Variants in ANKS1B observed in about 807,000 individuals in gnomAD.
ANKS1B encodes ankyrin repeat and sterile alpha motif domain containing 1B, also known as ankyrin repeat and sterile alpha motif domain-containing protein 1B.
A neutral mutation model predicts 148.3 loss-of-function variants in ANKS1B; 36 were observed. The ratio of observed to expected loss-of-function variants is 0.24; its 90% CI spans 0.19 to 0.32. The LOEUF (loss-of-function observed/expected upper bound fraction) is 0.32. Among genes scored for constraint, ANKS1B ranks in the 10% least tolerant of loss-of-function variants. The pLI is 1.00. For synonymous variants in ANKS1B, 542 were observed against 560.8 expected, an observed-to-expected ratio of 0.97 and a Z score of 0.47; for missense variants, 1,157 against 1,542.6, an observed-to-expected ratio of 0.75 and a Z score of 4.19.
At chr12:99,059,954 A>G (rs1292065053) in intron 16 of ANKS1B, among the ~76,000 whole-genome samples, 3 of 152,042 alleles carry the variant, frequency 2.0e-5, no homozygotes, top group African/African-American at 7.2e-5. Context: ...AGACAGGGCT[A>G]GGAAGTGACA....
chr12:98,829,148 T>C lies in ANKS1B; in HGVS notation c.3066+26A>G. On this transcript the variant is annotated intron_variant, in intron 19 of 26. Coordinates refer to ENST00000683438, the MANE Select transcript of ANKS1B (RefSeq NM_001352186.2). The surrounding 1 kb of genome is among the most constrained non-coding windows in gnomAD (Gnocchi z 5.2). ...GGCATTACCTGATATGGTTGAAAAA[T>C]ATCACAAAGGCTTATAACACCTTAC... 6.2e-7 allele frequency: 1 copy of C among 1,613,484 alleles called. No individual in the cohort carries two copies. The highest frequency in any genetic ancestry group is 8.5e-7 in the Non-Finnish European group (1 of 1,179,628).
intron 9 of ANKS1B, among the ~76,000 whole-genome samples, chr12:99,570,359 G>T (rs542333051): frequency 6.6e-6 from 1 of 151,972 alleles, no homozygotes; most frequent in Admixed American, 6.6e-5. Flanking sequence ...AAAAATGAAG[G>T]CGGATAGGCC....
chr12:99,089,076 C>T (rs147999968), intron 15 of ANKS1B, among the ~76,000 whole-genome samples: 124 of 152,022 alleles, frequency 8.2e-4, no homozygotes, highest in African/African-American at 2.8e-3. Context: ...CCATCTGCCT[C>T]GGCCTCCCAA....
intron 9 of ANKS1B, among the ~76,000 whole-genome samples, chr12:99,561,306 C>T (rs2097333914): frequency 6.6e-6 from 1 of 152,194 alleles, no homozygotes; most frequent in South Asian, 2.1e-4. Context: ...CCTGCCACTA[C>T]TTTATCAACT....
chr12:98,937,467 G>C (rs1341003995), intron 17 of ANKS1B, among the ~76,000 whole-genome samples: 2 of 151,978 alleles, frequency 1.3e-5, no homozygotes, highest in East Asian at 3.9e-4. Context: ...GAACATACTA[G>C]TATGTTTTGT....
At chr12:99,707,199 G>A (rs936566684) in intron 8 of ANKS1B, among the ~76,000 whole-genome samples, 23 of 152,066 alleles carry the variant, frequency 1.5e-4, no homozygotes, top group Admixed American at 5.2e-4. Flanking sequence ...TCAGAGGTAT[G>A]AATTCTGACT....
At chr12:98,962,140 T>C (rs2099872486) in intron 17 of ANKS1B, among the ~76,000 whole-genome samples, 1 of 146,488 alleles carries the variant, frequency 6.8e-6, no homozygotes, top group Non-Finnish European at 1.5e-5. Context: ...AGTGGCTGAA[T>C]GGATAAAAAA....
chr12:99,387,601 A>AG (rs2093918607), intron 12 of ANKS1B, among the ~76,000 whole-genome samples: 1 of 150,700 alleles, frequency 6.6e-6, no homozygotes, highest in South Asian at 2.1e-4. Flanking sequence ...GTCTCAAAAA[A>AG]AAAAGAAGAA....
chr12:98,941,265 C>T (rs2099836176), intron 17 of ANKS1B, among the ~76,000 whole-genome samples: 1 of 152,202 alleles, frequency 6.6e-6, no homozygotes, highest in South Asian at 2.1e-4. Flanking sequence ...CACGTATTTT[C>T]TCAAGACACA....
chr12:99,633,057 C>T (rs991852822), intron 9 of ANKS1B, among the ~76,000 whole-genome samples: 1 of 151,288 alleles, frequency 6.6e-6, no homozygotes, highest in Admixed American at 6.6e-5. Flanking sequence ...TGGTTTCCAG[C>T]TTCATCCATG....
intron 8 of ANKS1B, among the ~76,000 whole-genome samples, chr12:99,733,676 G>C (rs1500668): frequency 1.3e-5 from 2 of 151,954 alleles, no homozygotes; most frequent in Non-Finnish European, 2.9e-5. Flanking sequence ...TAACCAAGTA[G>C]GGTTTAAACC....
chr12:99,115,028 C>A (rs897755127), intron 15 of ANKS1B, among the ~76,000 whole-genome samples: 3 of 152,126 alleles, frequency 2.0e-5, no homozygotes, highest in African/African-American at 7.2e-5. Flanking sequence ...ACGATGGGAT[C>A]ATAAATTTGT....
intron 17 of ANKS1B, among the ~76,000 whole-genome samples, chr12:98,939,474 T>G (rs2099831782): frequency 6.6e-6 from 1 of 152,220 alleles, no homozygotes; most frequent in Non-Finnish European, 1.5e-5. Context: ...AATAAATATT[T>G]CCAAGCACTT....
At chr12:99,689,353 C>T (rs556608026) in intron 8 of ANKS1B, among the ~76,000 whole-genome samples, 2 of 152,256 alleles carry the variant, frequency 1.3e-5, no homozygotes, top group East Asian at 3.9e-4. Flanking sequence ...GCAGAGGGAT[C>T]AAATAATGCA....
intron 17 of ANKS1B, among the ~76,000 whole-genome samples, chr12:98,973,911 T>C (rs1490765888): frequency 6.6e-6 from 1 of 152,190 alleles, no homozygotes; most frequent in Non-Finnish European, 1.5e-5. Flanking sequence ...CACAGGTATG[T>C]ATCTATAGAT....
chr12:98,856,143 A>C (rs964197813), intron 17 of ANKS1B, among the ~76,000 whole-genome samples: 1 of 152,230 alleles, frequency 6.6e-6, no homozygotes, highest in Non-Finnish European at 1.5e-5. Flanking sequence ...TGAGGTGCAT[A>C]TATCAGTGGC....
intron 17 of ANKS1B, chr12:98,895,008 C>T (rs2099761777): frequency 1.2e-6 from 1 of 817,802 alleles, no homozygotes; most frequent in Non-Finnish European, 1.5e-6. Context: ...GCGGCGGCGG[C>T]GCGTCCTCCC....
chr12:99,220,742 C>T (rs990850482), intron 14 of ANKS1B, among the ~76,000 whole-genome samples: 9 of 152,112 alleles, frequency 5.9e-5, no homozygotes, highest in East Asian at 3.9e-4. Flanking sequence ...CCACTGCGCC[C>T]GGCCTAAAAG....
At chr12:98,869,168 A>T (rs1191610444) in intron 17 of ANKS1B, among the ~76,000 whole-genome samples, 3 of 152,170 alleles carry the variant, frequency 2.0e-5, no homozygotes, top group African/African-American at 7.2e-5. Flanking sequence ...CATAAGCTCC[A>T]TGAGGAAGGA....
Sources: allele counts gnomAD v4.1 joint callset (sites outside exome capture counted in the v4.1 genomes callset), GRCh38; gene constraint gnomAD v4.1.1; non-coding constraint Gnocchi (gnomAD v3.1); transcripts MANE v1.5; gene names NCBI Gene and HGNC (gene_info 2026-07-23, HGNC 2026-07-21).